The following DNAAF4 variants were observed in gnomAD, a reference collection of about 807,000 sequenced individuals.
DNAAF4 encodes the protein dynein assembly factor 4, axonemal.
A neutral mutation model predicts 51.8 loss-of-function variants in DNAAF4; 43 were observed. The ratio of observed to expected loss-of-function variants is 0.83; its 90% CI spans 0.65 to 1.07. The LOEUF (loss-of-function observed/expected upper bound fraction) is 1.07, where lower values mean the gene tolerates loss of function less well. DNAAF4 is among the 50% of genes least tolerant of loss of function. The pLI, the probability that DNAAF4 is intolerant of heterozygous loss-of-function variation, is 0.00. For synonymous variants in DNAAF4, 194 were observed against 165.6 expected (o/e 1.17, Z -1.32); for missense variants, 581 against 493.0 (o/e 1.18, Z -1.69).
intron 4 of DNAAF4, 50 bp downstream of exon 4, chr15:55,491,073 T>A: frequency 6.2e-7 from 1 of 1,604,240 alleles, no homozygotes; most frequent in Non-Finnish European, 8.5e-7. Flanking sequence ...TATCCTCACA[T>A]AGTCTACTAT....
At chr15:55,435,501 T>C (rs1253881014) in intron 7 of DNAAF4, among the ~76,000 whole-genome samples, 7 of 152,102 alleles carry the variant, frequency 4.6e-5, no homozygotes, top group Non-Finnish European at 1.0e-4. Context: ...GAGCTGGCAT[T>C]AGAATAAAGC....
intron 6 of DNAAF4, among the ~76,000 whole-genome samples, chr15:55,446,068 TG>T (rs2057801444): frequency 1.2e-5 from 1 of 85,132 alleles, no homozygotes; most frequent in Non-Finnish European, 2.2e-5. Context: ...GCTTCCCAGA[TG>T]GGGTGGCGGC....
At chr15:55,453,456 C>T (rs556205027) in intron 5 of DNAAF4, among the ~76,000 whole-genome samples, 1 of 151,110 alleles carries the variant, frequency 6.6e-6, no homozygotes, top group East Asian at 1.9e-4. Flanking sequence ...TTTAAACATA[C>T]TTACTTAAAG....
intron 4 of DNAAF4, among the ~76,000 whole-genome samples, chr15:55,474,075 A>G (rs772105127): frequency 6.6e-6 from 1 of 152,194 alleles, no homozygotes; most frequent in Non-Finnish European, 1.5e-5. Context: ...ATGTTTTACT[A>G]TTTTCCTAGA....
chr15:55,445,514 C>T (rs529256703), intron 6 of DNAAF4, among the ~76,000 whole-genome samples: 9 of 152,152 alleles, frequency 5.9e-5, no homozygotes, highest in South Asian at 2.1e-4. Flanking sequence ...TCCACAAAAC[C>T]GCCATCGTCA....
chr15:55,501,854 C>T (rs895515530), intron 1 of DNAAF4, among the ~76,000 whole-genome samples: 4 of 151,698 alleles, frequency 2.6e-5, no homozygotes, highest in Non-Finnish European at 4.4e-5. Context: ...ACCAGCCTGG[C>T]CAACATGGTG....
At chr15:55,503,310 G>A (rs1350369261) in intron 1 of DNAAF4, among the ~76,000 whole-genome samples, 1 of 152,078 alleles carries the variant, frequency 6.6e-6, no homozygotes, top group African/African-American at 2.4e-5. Context: ...AAAAGTCCAG[G>A]ACCAGACGGA....
intron 1 of DNAAF4, among the ~76,000 whole-genome samples, chr15:55,507,288 T>C (rs1484845749): frequency 1.3e-5 from 2 of 152,186 alleles, no homozygotes; most frequent in African/African-American, 4.8e-5. Context: ...AAATATCCTA[T>C]GTCAAAAATA....
intron 4 of DNAAF4, among the ~76,000 whole-genome samples, chr15:55,487,593 G>C (rs997721915): frequency 6.6e-6 from 1 of 152,098 alleles, no homozygotes; most frequent in African/African-American, 2.4e-5. Flanking sequence ...TTTAAGAGCT[G>C]TAACAGTCAC....
In DNAAF4 at chr15:55,473,271, G is replaced by A. The variant is rs55723248; in HGVS notation, c.406-6110C>T. Reference sequence around the variant, plus strand: ...TGTGTGTATATATATGTGTATATATGTGTATATATATGTGTATATATATGT... The same window carrying A: ...TGTGTGTATATATATGTGTATATATATGTATATATATGTGTATATATATGT... On this transcript the variant is annotated intron_variant, in intron 4 of 9. Transcript: ENST00000321149. Among the ~76,000 whole-genome samples, 37 of 34,196 alleles carry A rather than the reference G, an allele frequency of 1.1e-3. 1 individual carries two copies. Among genetic ancestry groups the A allele is most frequent in the East Asian group, 6.5e-3 (2 of 310 alleles). 22.4% of individuals were successfully genotyped at this position (34,196 alleles called of 152,430 possible).
At chr15:55,456,362 G>C (rs926010442) in intron 5 of DNAAF4, among the ~76,000 whole-genome samples, 1 of 152,144 alleles carries the variant, frequency 6.6e-6, no homozygotes, top group Non-Finnish European at 1.5e-5. Flanking sequence ...GATTACAGGC[G>C]TGAGCCACTG....
chr15:55,425,453 T>C (rs529178462), downstream of DNAAF4, among the ~76,000 whole-genome samples: 10 of 152,206 alleles, frequency 6.6e-5, no homozygotes, highest in Non-Finnish European at 1.3e-4. Context: ...TACTTGTCCA[T>C]GCCATATTTG....
intron 4 of DNAAF4, among the ~76,000 whole-genome samples, chr15:55,471,588 A>T (rs1329796660): frequency 1.3e-5 from 2 of 150,410 alleles, no homozygotes; most frequent in Non-Finnish European, 2.9e-5. Flanking sequence ...ATCTCGGGTC[A>T]CTGCAAGCTC....
chr15:55,451,171 G>A (rs928998512), intron 5 of DNAAF4, among the ~76,000 whole-genome samples: 1 of 152,188 alleles, frequency 6.6e-6, no homozygotes, highest in African/African-American at 2.4e-5. Context: ...GGGGGAAGGA[G>A]CGCTCTTAGA....
rs1480560726 is a variant in DNAAF4, at chr15:55,491,204, T to C, written c.324A>G (p.Gln108=). 6 of 1,613,894 alleles carry C rather than the reference T, an allele frequency of 3.7e-6. No homozygotes were observed. Among genetic ancestry groups the C allele is most frequent in the Non-Finnish European group, 5.1e-6 (6 of 1,179,990 alleles). ...CTTCTGTAGCTTCTTTTGCTCTCTC[T>C]TGTGCTTGTAAAATAGATTTTTCTC... The part of the protein sequence containing the change: ...RIREKSILQA[Q]ERAKEATEAK... Residue 108 remains glutamine, a synonymous_variant, in exon 4 of 10, where the codon CAA becomes CAG. Transcript: ENST00000321149.
At chr15:55,474,708 G>A (rs1445325687) in intron 4 of DNAAF4, among the ~76,000 whole-genome samples, 1 of 152,142 alleles carries the variant, frequency 6.6e-6, no homozygotes, top group Non-Finnish European at 1.5e-5. Flanking sequence ...GCCAGGGGCG[G>A]TGGCTCATGC....
chr15:55,422,435 T>G (rs2057396582), intron 7 of DNAAF4, among the ~76,000 whole-genome samples: 1 of 152,170 alleles, frequency 6.6e-6, no homozygotes, highest in African/African-American at 2.4e-5. Flanking sequence ...CTACAAAGTG[T>G]AGGTAGAAAA....
At chr15:55,449,857 C>T (rs692636) in intron 6 of DNAAF4, among the ~76,000 whole-genome samples, 60,065 of 151,220 alleles carry the variant, frequency 0.4, 13,199 homozygotes, top group East Asian at 0.74. Flanking sequence ...CGCCACCACG[C>T]CAGGCTAATT....
intron 4 of DNAAF4, among the ~76,000 whole-genome samples, chr15:55,484,329 A>C (rs1054269623): frequency 6.6e-6 from 1 of 151,728 alleles, no homozygotes; most frequent in Non-Finnish European, 1.5e-5. Flanking sequence ...TAAAAATACA[A>C]AAAAAATTAG....
Sources: allele counts gnomAD v4.1 joint callset (sites outside exome capture counted in the v4.1 genomes callset), GRCh38; gene constraint gnomAD v4.1.1; transcripts MANE v1.5; gene names NCBI Gene and HGNC (gene_info 2026-07-23, HGNC 2026-07-21).